The following NCK1 variants were observed in gnomAD, a reference collection of about 807,000 sequenced individuals.
NCK1 encodes the protein NCK adaptor protein 1.
NCK1 carries 19 observed loss-of-function variants against 36.6 expected under a neutral mutation model. The ratio of observed to expected loss-of-function variants is 0.52; its 90% CI spans 0.36 to 0.76. The LOEUF is 0.76. NCK1 is among the 30% of genes least tolerant of loss of function. NCK1 has a pLI of 0.00. For synonymous variants in NCK1, 165 were observed against 156.0 expected, an observed-to-expected ratio of 1.06 and a Z score of -0.43; for missense variants, 358 against 445.6, an observed-to-expected ratio of 0.80 and a Z score of 1.77.
intron 1 of NCK1, among the ~76,000 whole-genome samples, chr3:136,880,284 CAAA>C (rs573595926): frequency 7.9e-6 from 1 of 126,164 alleles, no homozygotes; most frequent in Admixed American, 8.0e-5. Context: ...GACTCCGTCT[CAAA>C]AAAAAAAAAA....
chr3:136,948,330 T>G lies in NCK1; in HGVS notation c.1011T>G (p.Thr337=). 1 of 1,612,426 alleles carries G rather than the reference T, an allele frequency of 6.2e-7. No individual in the cohort carries two copies. The highest frequency in any genetic ancestry group is 2.2e-5 in the East Asian group (1 of 44,828). The part of the protein sequence containing the change: ...NKHFKVQLKE[T]VYCIGQRKFS... ...ATTTTAAAGTCCAACTAAAAGAGAC[T>G]GTCTACTGCATTGGGCAGCGTAAAT... Residue 337 remains threonine, a synonymous_variant, in exon 4 of 4, where the codon ACT becomes ACG. Coordinates refer to ENST00000481752, the MANE Select transcript of NCK1 (RefSeq NM_001291999.2).
intron 1 of NCK1, among the ~76,000 whole-genome samples, chr3:136,879,247 C>T (rs937937831): frequency 5.3e-5 from 8 of 151,898 alleles, no homozygotes; most frequent in South Asian, 2.1e-4. Flanking sequence ...TTAAAAGGTC[C>T]GTCAGAGGTC....
intron 1 of NCK1, among the ~76,000 whole-genome samples, chr3:136,864,500 AAAAAACAGAAAC>A (rs1938353793): frequency 6.6e-6 from 1 of 151,738 alleles, no homozygotes; most frequent in Non-Finnish European, 1.5e-5. Context: ...ACACACAAAA[AAAAAACAGAAAC>A]AAAAAAAACC....
intron 1 of NCK1, among the ~76,000 whole-genome samples, chr3:136,887,261 G>A (rs531245421): frequency 1.3e-5 from 2 of 152,222 alleles, no homozygotes; most frequent in South Asian, 4.1e-4. Flanking sequence ...TCCAACTCTT[G>A]GCCTCAAACG....
intron 2 of NCK1, among the ~76,000 whole-genome samples, chr3:136,939,820 A>G (rs1940622222): frequency 7.1e-6 from 1 of 141,198 alleles, no homozygotes; most frequent in Non-Finnish European, 1.5e-5. Flanking sequence ...TATGACTTCA[A>G]TCTCAAATTT....
At chr3:136,893,184 ATATATATAC>A (rs1939297552) in intron 1 of NCK1, among the ~76,000 whole-genome samples, 1 of 11,960 alleles carries the variant, frequency 8.4e-5, no homozygotes, top group Non-Finnish European at 2.7e-4. Context: ...GTGTGTATAT[ATATATATAC>A]ACACATGTGC....
chr3:136,934,443 G>A (rs1940472566), intron 2 of NCK1, among the ~76,000 whole-genome samples: 1 of 151,642 alleles, frequency 6.6e-6, no homozygotes, highest in East Asian at 1.9e-4. Context: ...CTGCCACCAC[G>A]CCTGGCTAAT....
chr3:136,901,008 T>C (rs1939527422), intron 1 of NCK1, among the ~76,000 whole-genome samples: 1 of 152,206 alleles, frequency 6.6e-6, no homozygotes, highest in South Asian at 2.1e-4. Flanking sequence ...GAAGAAAGGG[T>C]TTCAACTTTT....
At chr3:136,936,653 CT>C (rs1210051036) in intron 2 of NCK1, among the ~76,000 whole-genome samples, 1 of 152,102 alleles carries the variant, frequency 6.6e-6, no homozygotes, top group Non-Finnish European at 1.5e-5. Flanking sequence ...TATTTTCTTT[CT>C]TTCTTTGCTT....
chr3:136,948,949 G>A lies in NCK1; in HGVS notation c.*496G>A, dbSNP rs998508525. ...GTGGAAAATTAGAAATTATTTCCAGGTATTATATTTGTCACAGGCCATTGT... is the reference window on the plus strand; with the variant it reads ...GTGGAAAATTAGAAATTATTTCCAGATATTATATTTGTCACAGGCCATTGT... On this transcript the variant is annotated 3_prime_UTR_variant, in exon 4 of 4. Transcript: ENST00000481752. The A allele has an allele frequency of 6.6e-6, 1 of 152,222 alleles. No homozygotes were observed. Among genetic ancestry groups the A allele is most frequent in the African/African-American group, 2.4e-5 (1 of 41,350 alleles). 9.4% of individuals were successfully genotyped at this position (152,222 alleles called of 1,614,324 possible). A position where few individuals can be genotyped will look rare whatever the true frequency, so the allele number is the denominator to read the frequency against.
chr3:136,909,971 C>A (rs1225917008), intron 1 of NCK1, among the ~76,000 whole-genome samples: 1 of 152,112 alleles, frequency 6.6e-6, no homozygotes, highest in Non-Finnish European at 1.5e-5. Context: ...GTCTTTGGAT[C>A]TAAAGTGAGT....
At chr3:136,920,494 A>T (rs1329137842) in intron 1 of NCK1, among the ~76,000 whole-genome samples, 1 of 152,210 alleles carries the variant, frequency 6.6e-6, no homozygotes, top group Non-Finnish European at 1.5e-5. Context: ...TTGCTCTTAA[A>T]AAAACCTCAA....
chr3:136,912,162 C>CTTTTTT (rs57596314), intron 1 of NCK1, among the ~76,000 whole-genome samples: 3 of 128,162 alleles, frequency 2.3e-5, no homozygotes, highest in African/African-American at 6.5e-5. Context: ...ATTATTTTTT[C>CTTTTTT]TTTTTTTTTT....
intron 2 of NCK1, among the ~76,000 whole-genome samples, chr3:136,936,038 CTTTTTT>C (rs35254283): frequency 7.8e-6 from 1 of 128,234 alleles, no homozygotes. Flanking sequence ...GTCTAAATAA[CTTTTTT>C]TTTTTTTTTT....
chr3:136,919,320 A>G (rs755534657), intron 1 of NCK1, among the ~76,000 whole-genome samples: 6 of 152,226 alleles, frequency 3.9e-5, no homozygotes, highest in Non-Finnish European at 8.8e-5. Flanking sequence ...TTTATTCACA[A>G]CAAACAGTGA....
chr3:136,930,730 C>A, intron 2 of NCK1: 1 of 641,230 alleles, frequency 1.6e-6, no homozygotes, highest in Non-Finnish European at 2.2e-6. Flanking sequence ...TAATATAAAC[C>A]AAATGATTGG....
At chr3:136,929,874 TATA>T (rs1253687226) in intron 2 of NCK1, among the ~76,000 whole-genome samples, 1 of 152,220 alleles carries the variant, frequency 6.6e-6, no homozygotes, top group Non-Finnish European at 1.5e-5. Flanking sequence ...CCCATTTAAA[TATA>T]ATTTTTATTT....
intron 2 of NCK1, among the ~76,000 whole-genome samples, chr3:136,935,103 G>A (rs956308602): frequency 2.0e-5 from 3 of 152,154 alleles, no homozygotes; most frequent in Non-Finnish European, 4.4e-5. Flanking sequence ...GGTTTCGCAT[G>A]TTGGCCAGGC....
At chr3:136,907,604 T>C (rs1419642818) in intron 1 of NCK1, among the ~76,000 whole-genome samples, 1 of 152,186 alleles carries the variant, frequency 6.6e-6, no homozygotes, top group African/African-American at 2.4e-5. Flanking sequence ...TCCTCCTCCT[T>C]TCTTGCTTTC....
Sources: gnomAD v4.1 joint callset for allele counts (sites outside exome capture counted in the v4.1 genomes callset) on GRCh38, gnomAD v4.1.1 for gene constraint, MANE v1.5 for transcripts, NCBI Gene and HGNC (gene_info 2026-07-23, HGNC 2026-07-21) for gene names.